Variants in HSPBAP1 observed in about 807,000 individuals in gnomAD.
The protein encoded by HSPBAP1 is HSPB1 associated protein 1, also known as HSPB1-associated protein 1.
Under a neutral mutation model 45.2 loss-of-function variants are expected in HSPBAP1, and 27 were observed. The observed-to-expected ratio is 0.60, with a 90% confidence interval of 0.44 to 0.82. HSPBAP1 has a LOEUF of 0.82. HSPBAP1 is among the 40% of genes least tolerant of loss of function. HSPBAP1 has a pLI of 0.00. For missense variants in HSPBAP1, 510 were observed against 590.9 expected, an observed-to-expected ratio of 0.86 and a Z score of 1.42; for synonymous variants, 204 against 202.7, an observed-to-expected ratio of 1.01 and a Z score of -0.06.
chr3:122,779,649 C>T (rs1315249590), intron 1 of HSPBAP1, among the ~76,000 whole-genome samples: 3 of 150,338 alleles, frequency 2.0e-5, no homozygotes, highest in Non-Finnish European at 4.5e-5. Flanking sequence ...GCAGAGGACC[C>T]TGCGGCCTTC....
At chr3:122,787,608 T>C (rs1935695112) in intron 1 of HSPBAP1, among the ~76,000 whole-genome samples, 1 of 152,204 alleles carries the variant, frequency 6.6e-6, no homozygotes, top group South Asian at 2.1e-4. Flanking sequence ...ACAGCATGAA[T>C]TTAAAACTGG....
At chr3:122,780,510 A>G (rs1449512105) in intron 1 of HSPBAP1, among the ~76,000 whole-genome samples, 1 of 100,328 alleles carries the variant, frequency 1.0e-5, no homozygotes, top group Non-Finnish European at 1.9e-5. Context: ...GCGGGGGCTG[A>G]CCCCCCCACC....
intron 2 of HSPBAP1, among the ~76,000 whole-genome samples, chr3:122,775,274 T>A (rs905564966): frequency 6.6e-6 from 1 of 152,106 alleles, no homozygotes; most frequent in Non-Finnish European, 1.5e-5. Context: ...CCAGAATATA[T>A]AAAGAACTCT....
chr3:122,764,295 G>T (rs1327242730), intron 3 of HSPBAP1, among the ~76,000 whole-genome samples: 1 of 151,982 alleles, frequency 6.6e-6, no homozygotes, highest in Non-Finnish European at 1.5e-5. Flanking sequence ...TGGTCTTTAG[G>T]ACCCCTCAGA....
At chr3:122,757,959 G>A (rs544580760) in intron 4 of HSPBAP1, among the ~76,000 whole-genome samples, 192 of 152,336 alleles carry the variant, frequency 1.3e-3, no homozygotes, top group African/African-American at 4.3e-3. Flanking sequence ...CATCCACAGC[G>A]TGTAGCTATG....
At chr3:122,780,472 T>C (rs1576271817) in intron 1 of HSPBAP1, among the ~76,000 whole-genome samples, 1 of 109,180 alleles carries the variant, frequency 9.2e-6, no homozygotes, top group Non-Finnish European at 1.8e-5. Flanking sequence ...GAGGCGCCCC[T>C]CACCTCCCGG....
rs1439082013 is a variant in HSPBAP1 at position 122,745,596 on chromosome 3, T to G, written c.826-4483A>C. On this transcript the variant is annotated intron_variant, in intron 6 of 7. Transcript: ENST00000306103. ...CTCCACACAGTATACATCACCTGCC[T>G]CTGAGTCACTCAGTAGTTAGCTCAG... Among the ~76,000 whole-genome samples, 3 of 152,314 alleles carry G rather than the reference T, an allele frequency of 2.0e-5. No individual in the cohort carries two copies. In the East Asian group the frequency reaches 5.8e-4, roughly 29 times the overall value.
rs563159744 is a variant in HSPBAP1, at chr3:122,788,112, G to A, written c.64+5505C>T. Reference sequence around the variant, plus strand: ...CACAGGAAGTTCAGGCTGGGCACCTGAGACAGTTACATCCTGGACACTTAC... The same window carrying A: ...CACAGGAAGTTCAGGCTGGGCACCTAAGACAGTTACATCCTGGACACTTAC... On this transcript the variant is annotated intron_variant, in intron 1 of 7. Transcript: ENST00000306103. 5.3e-5 allele frequency among the ~76,000 whole-genome samples: 8 copies of A among 152,248 alleles called. No homozygotes were observed. In the East Asian group the frequency reaches 1.2e-3, roughly 22 times the overall value.
intron 1 of HSPBAP1, among the ~76,000 whole-genome samples, chr3:122,778,523 ATTTT>A (rs201863576): frequency 2.0e-4 from 25 of 126,786 alleles, no homozygotes; most frequent in Non-Finnish European, 2.0e-4. Context: ...TTTTTTTTTT[ATTTT>A]TTTTTTTTTT....
At position 122,775,478 on chromosome 3, in the gene HSPBAP1, C is replaced by CT. The variant is rs918296140; in HGVS notation, c.250+2242dup. ...ACTAGAATAGTTATAATTTTTTTTT[C>CT]TTTTTTTTTGTACTTTTAGTAGAGA... On this transcript the variant is annotated intron_variant, in intron 2 of 7. Transcript: ENST00000306103. Among the ~76,000 whole-genome samples the CT allele has an allele frequency of 8.2e-4, 124 of 150,792 alleles. 1 individual carries two copies. The Middle Eastern group carries it at 0.014, about 17-fold the overall frequency.
chr3:122,753,897 G>GTT, intron 5 of HSPBAP1: 1 of 985,024 alleles, frequency 1.0e-6, no homozygotes, highest in South Asian at 4.7e-5. Flanking sequence ...CTCAAATTTG[G>GTT]CTATTAAACA....
At chr3:122,751,120 G>T (rs991014014) in intron 6 of HSPBAP1, among the ~76,000 whole-genome samples, 10 of 152,182 alleles carry the variant, frequency 6.6e-5, no homozygotes, top group African/African-American at 2.4e-4. Context: ...TCGAGATCAT[G>T]TGGGGTAGAA....
At chr3:122,750,499 A>T (rs1036941861) in intron 6 of HSPBAP1, among the ~76,000 whole-genome samples, 50 of 148,524 alleles carry the variant, frequency 3.4e-4, no homozygotes, top group African/African-American at 1.2e-3. Flanking sequence ...CATGAATTAG[A>T]AATATAAATA....
Position 122,791,140 on chromosome 3 carries a change from C to T in HSPBAP1, c.64+2477G>A, listed in dbSNP as rs74577531. Among the ~76,000 whole-genome samples the T allele has an allele frequency of 1.7e-4, 26 of 152,336 alleles. No individual in the cohort carries two copies. In the East Asian group the frequency reaches 1.7e-3, roughly 10 times the overall value. On this transcript the variant is annotated intron_variant, in intron 1 of 7. Coordinates refer to ENST00000306103, the MANE Select transcript of HSPBAP1 (RefSeq NM_024610.6). ...TTTTACAGAGGAGGAAACTGAGGCT[C>T]AAAGGGATTAAGTACCTTGTCCTCC...
At chr3:122,749,005 A>G (rs1934029037) in intron 6 of HSPBAP1, among the ~76,000 whole-genome samples, 1 of 152,170 alleles carries the variant, frequency 6.6e-6, no homozygotes. Flanking sequence ...ATTACTTTCT[A>G]TGGAATAAAG....
chr3:122,778,163 T>C (rs911322822), intron 1 of HSPBAP1, among the ~76,000 whole-genome samples: 5 of 151,918 alleles, frequency 3.3e-5, no homozygotes, highest in African/African-American at 9.7e-5. Flanking sequence ...TGGGTTTCTA[T>C]TGAACCTATC....
intron 1 of HSPBAP1, among the ~76,000 whole-genome samples, chr3:122,781,704 A>G (rs530165268): frequency 3.3e-5 from 5 of 152,290 alleles, no homozygotes; most frequent in African/African-American, 7.2e-5. Flanking sequence ...GCTCCCACTT[A>G]TAAGTGAGAA....
chr3:122,778,535 T>G lies in HSPBAP1; in HGVS notation c.65-629A>C, dbSNP rs545682737. On this transcript the variant is annotated intron_variant, in intron 1 of 7. Transcript: ENST00000306103. ...TTCTTTTTTTTTTATTTTTTTTTTTTTTTTGAGACGGAGTCTCGCTCTCTC... is the reference window on the plus strand; with the variant it reads ...TTCTTTTTTTTTTATTTTTTTTTTTGTTTTGAGACGGAGTCTCGCTCTCTC... Among the ~76,000 whole-genome samples, 1,456 of 151,020 alleles carry G rather than the reference T, an allele frequency of 9.6e-3. 26 individuals carry two copies. The highest frequency in any genetic ancestry group is 0.034 in the African/African-American group (1,401 of 41,262).
intron 2 of HSPBAP1, among the ~76,000 whole-genome samples, chr3:122,772,755 T>C (rs879521779): frequency 1.3e-5 from 2 of 152,162 alleles, no homozygotes; most frequent in Non-Finnish European, 2.9e-5. Context: ...AAGCATTATT[T>C]GATTATATAA....
Sources: allele counts gnomAD v4.1 joint callset (sites outside exome capture counted in the v4.1 genomes callset), GRCh38; gene constraint gnomAD v4.1.1; transcripts MANE v1.5; gene names NCBI Gene and HGNC (gene_info 2026-07-23, HGNC 2026-07-21).